TMEM266: variants seen among roughly 807,000 people sequenced by gnomAD.
The protein encoded by TMEM266 is Hv1 related protein 1.
Under a neutral mutation model 50.5 loss-of-function variants are expected in TMEM266, and 33 were observed. The ratio of observed to expected loss-of-function variants is 0.65; its 90% CI spans 0.50 to 0.87. The LOEUF is 0.87. TMEM266 is among the 40% of genes least tolerant of loss of function. The probability of loss-of-function intolerance (pLI) is 0.00; values close to 1 mark genes in which losing one functional copy is unlikely to be tolerated. For missense variants in TMEM266, 655 were observed against 695.1 expected (o/e 0.94, Z 0.65); for synonymous variants, 310 against 292.3 (o/e 1.06, Z -0.62).
At chr15:76,176,188 C>T (rs2038275033) in intron 8 of TMEM266, 1 of 153,638 alleles carries the variant, frequency 6.5e-6, no homozygotes, top group African/African-American at 2.4e-5. Context: ...GCAAGGGGGA[C>T]TGGCAGCTGG....
chr15:76,110,554 C>A (rs1023959732), intron 1 of TMEM266, among the ~76,000 whole-genome samples: 1 of 152,170 alleles, frequency 6.6e-6, no homozygotes, highest in Non-Finnish European at 1.5e-5. Context: ...CTGTTCAGAG[C>A]AGACACAAAG....
chr15:76,137,269 T>C (rs1292267490), intron 2 of TMEM266, among the ~76,000 whole-genome samples: 1 of 152,172 alleles, frequency 6.6e-6, no homozygotes, highest in Non-Finnish European at 1.5e-5. Flanking sequence ...TATTGTGGAA[T>C]AGAGAATAGA....
chr15:76,123,589 A>G (rs185636455), intron 1 of TMEM266, among the ~76,000 whole-genome samples: 3 of 152,352 alleles, frequency 2.0e-5, no homozygotes, highest in South Asian at 2.1e-4. Flanking sequence ...CCACATCAGA[A>G]GTGTCCAAAC....
At chr15:76,086,517 A>G (rs1317927238) in intron 1 of TMEM266, among the ~76,000 whole-genome samples, 8 of 152,236 alleles carry the variant, frequency 5.3e-5, no homozygotes, top group Admixed American at 5.2e-4. Flanking sequence ...GAATGAAGCA[A>G]CAAAAGCAGA....
At chr15:76,155,562 G>A (rs1018098) in intron 3 of TMEM266, among the ~76,000 whole-genome samples, 49,302 of 152,018 alleles carry the variant, frequency 0.32, 8,640 homozygotes, top group African/African-American at 0.42. Context: ...GTGACAAAGG[G>A]TGTCACGGTC....
chr15:76,199,611 ATG>A (rs1328429583), intron 9 of TMEM266, among the ~76,000 whole-genome samples: 24 of 152,116 alleles, frequency 1.6e-4, no homozygotes, highest in Admixed American at 1.4e-3. Flanking sequence ...CGCTCGGAGG[ATG>A]TGAGGGTGCA....
intron 1 of TMEM266, among the ~76,000 whole-genome samples, chr15:76,084,914 G>T (rs1462095689): frequency 6.6e-6 from 1 of 151,012 alleles, no homozygotes; most frequent in Non-Finnish European, 1.5e-5. Context: ...AAGTTTTTAA[G>T]TAGGGAAATA....
chr15:76,179,628 G>T (rs1472196764), intron 8 of TMEM266, among the ~76,000 whole-genome samples: 2 of 152,156 alleles, frequency 1.3e-5, no homozygotes, highest in Non-Finnish European at 2.9e-5. Flanking sequence ...TGTCTCAATG[G>T]CAGCCCCCAA....
chr15:76,076,235 C>G (rs1364494335), intron 1 of TMEM266, among the ~76,000 whole-genome samples: 1 of 151,964 alleles, frequency 6.6e-6, no homozygotes, highest in Non-Finnish European at 1.5e-5. Flanking sequence ...AGTCACCTCT[C>G]CTGTTTCTTG....
chr15:76,134,230 G>C lies in TMEM266; in HGVS notation c.-34G>C, dbSNP rs974839536. On this transcript the variant is annotated 5_prime_UTR_variant, in exon 2 of 11. Coordinates refer to ENST00000388942, the MANE Select transcript of TMEM266 (RefSeq NM_152335.3). ...TGGAAATGCTGACAGCAGGCTTCAGGACAGCTGAGCCCCACTAAACACCAA... is the reference window on the plus strand; with the variant it reads ...TGGAAATGCTGACAGCAGGCTTCAGCACAGCTGAGCCCCACTAAACACCAA... The C allele has an allele frequency of 2.5e-5, 41 of 1,612,392 alleles. No individual in the cohort carries two copies. The highest frequency in any genetic ancestry group is 4.0e-5 in the African/African-American group (3 of 74,874).
At chr15:76,092,093 T>C (rs1225348080) in intron 1 of TMEM266, among the ~76,000 whole-genome samples, 6 of 151,686 alleles carry the variant, frequency 4.0e-5, no homozygotes, top group Admixed American at 1.3e-4. Flanking sequence ...TATGATAGAG[T>C]ATAAGAAAAA....
At chr15:76,198,971 C>T (rs983664626) in intron 9 of TMEM266, among the ~76,000 whole-genome samples, 3 of 152,264 alleles carry the variant, frequency 2.0e-5, no homozygotes, top group African/African-American at 7.2e-5. Flanking sequence ...TGAAAAGACC[C>T]CTCATGGCCA....
chr15:76,174,419 C>T (rs1259688022), intron 7 of TMEM266, among the ~76,000 whole-genome samples: 12 of 151,950 alleles, frequency 7.9e-5, no homozygotes, highest in African/African-American at 2.4e-4. Context: ...GGCGTGGTGG[C>T]GGGTGCCTGT....
chr15:76,123,458 A>G (rs2142020926), intron 1 of TMEM266, among the ~76,000 whole-genome samples: 1 of 152,314 alleles, frequency 6.6e-6, no homozygotes. Context: ...CATGCATGCA[A>G]TGCTATCTCC....
At chr15:76,172,051 C>T (rs187688484) in intron 7 of TMEM266, among the ~76,000 whole-genome samples, 3 of 152,130 alleles carry the variant, frequency 2.0e-5, no homozygotes, top group Non-Finnish European at 4.4e-5. Flanking sequence ...AAGAGGCCCA[C>T]CCCACCTCAG....
intron 1 of TMEM266, among the ~76,000 whole-genome samples, chr15:76,073,830 G>C (rs2036570097): frequency 6.6e-6 from 1 of 152,196 alleles, no homozygotes; most frequent in African/African-American, 2.4e-5. Flanking sequence ...GCCTGTGTCA[G>C]ACAGTTAACA....
chr15:76,204,565 C>A lies in TMEM266; in HGVS notation c.*250C>A. 1 of 366,866 alleles carries A rather than the reference C, an allele frequency of 2.7e-6. No homozygotes were observed. The highest frequency in any genetic ancestry group is 4.9e-6 in the Non-Finnish European group (1 of 203,814). 22.7% of individuals were successfully genotyped at this position (366,866 alleles called of 1,614,324 possible). On this transcript the variant is annotated 3_prime_UTR_variant, in exon 11 of 11. Transcript: ENST00000388942. ...CTCGTGGCTGGGTTTTCTTTTTAAC[C>A]ATTTTTACAAAAACCAGCCTGTGGC... is the stretch of plus-strand genomic sequence containing the variant.
intron 1 of TMEM266, among the ~76,000 whole-genome samples, chr15:76,074,251 A>G (rs1714838204): frequency 6.6e-6 from 1 of 151,954 alleles, no homozygotes; most frequent in African/African-American, 2.4e-5. Context: ...ATGATATTTT[A>G]TTTTTCATTT....
At chr15:76,142,202 A>G (rs1030296798) in intron 3 of TMEM266, among the ~76,000 whole-genome samples, 8 of 152,238 alleles carry the variant, frequency 5.3e-5, no homozygotes, top group African/African-American at 1.9e-4. Context: ...CAGCCTGGCC[A>G]ACATGGCAAA....
Sources: gnomAD v4.1 joint callset for allele counts (sites outside exome capture counted in the v4.1 genomes callset) on GRCh38, gnomAD v4.1.1 for gene constraint, MANE v1.5 for transcripts, NCBI Gene and HGNC (gene_info 2026-07-23, HGNC 2026-07-21) for gene names.